The following POLR3B variants were observed in gnomAD, a reference collection of about 807,000 sequenced individuals.
POLR3B encodes the protein DNA-directed RNA polymerase III subunit RPC2.
Under a neutral mutation model 147.4 loss-of-function variants are expected in POLR3B, and 96 were observed. The observed-to-expected ratio is 0.65, with a 90% CI of 0.55 to 0.77. The LOEUF (loss-of-function observed/expected upper bound fraction) is 0.77, where lower values mean the gene tolerates loss of function less well. Among genes scored for constraint, POLR3B ranks in the 30% least tolerant of loss-of-function variants. POLR3B has a pLI of 0.00. For synonymous variants in POLR3B, 461 were observed against 485.9 expected (o/e 0.95, Z 0.67); for missense variants, 1,036 against 1,413.5 (o/e 0.73, Z 4.28).
chr12:106,415,433 A>G (rs1440287229), intron 12 of POLR3B, among the ~76,000 whole-genome samples: 1 of 152,200 alleles, frequency 6.6e-6, no homozygotes, highest in African/African-American at 2.4e-5. Context: ...CAGAGGGATG[A>G]TGGTATGGTT....
In POLR3B at chr12:106,509,409, T is replaced by C; in HGVS notation, c.3273-11T>C. The C allele has an allele frequency of 1.2e-6, 2 of 1,613,586 alleles. No homozygotes were observed. Among genetic ancestry groups the C allele is most frequent in the Non-Finnish European group, 1.7e-6 (2 of 1,179,582 alleles). ...TGCTGTCTGTCTAACGCTTGCTGACTTGCGTTTCAGGTGCCATTACTGCAA... is the reference window on the plus strand; with the variant it reads ...TGCTGTCTGTCTAACGCTTGCTGACCTGCGTTTCAGGTGCCATTACTGCAA... On this transcript the variant is annotated splice_polypyrimidine_tract_variant and intron_variant, in intron 27 of 27. Transcript: ENST00000228347.
At chr12:106,497,177 G>GT (rs1282904479) in intron 25 of POLR3B, among the ~76,000 whole-genome samples, 1 of 149,804 alleles carries the variant, frequency 6.7e-6, no homozygotes, top group Non-Finnish European at 1.5e-5. Context: ...TTGTGTTAGC[G>GT]TATTTTATGT....
chr12:106,381,949 C>T (rs1384445437), intron 9 of POLR3B: 1 of 152,164 alleles, frequency 6.6e-6, no homozygotes, highest in Non-Finnish European at 1.5e-5. Context: ...AGGGTAACTT[C>T]CTGACGTTGC....
chr12:106,469,807 G>T (rs2038063669), intron 23 of POLR3B, among the ~76,000 whole-genome samples: 1 of 152,212 alleles, frequency 6.6e-6, no homozygotes, highest in African/African-American at 2.4e-5. Context: ...TAGGGTTTCT[G>T]CAGAGAGATC....
intron 12 of POLR3B, among the ~76,000 whole-genome samples, chr12:106,422,453 A>G (rs1163256468): frequency 6.6e-6 from 1 of 152,192 alleles, no homozygotes; most frequent in Non-Finnish European, 1.5e-5. Context: ...TATAAAGTAT[A>G]TAGTCTCAGT....
At chr12:106,376,262 C>T (rs2036677055) in intron 6 of POLR3B, 97 bp from the exon 7 acceptor site, 3 of 796,534 alleles carry the variant, frequency 3.8e-6, no homozygotes, top group African/African-American at 3.4e-5. Flanking sequence ...TAGATAGACC[C>T]TTAGTGAGGT....
intron 11 of POLR3B, among the ~76,000 whole-genome samples, chr12:106,406,284 A>G (rs1445276374): frequency 6.6e-6 from 1 of 152,178 alleles, no homozygotes; most frequent in East Asian, 1.9e-4. Flanking sequence ...AAGGACAGAG[A>G]TGGTGTCTTA....
Position 106,398,029 on chromosome 12 carries a change from C to T in POLR3B, c.846+4876C>T, listed in dbSNP as rs146541313. 7.4e-3 allele frequency among the ~76,000 whole-genome samples: 1,120 copies of T among 152,328 alleles called. 9 individuals are homozygous for T. Among genetic ancestry groups the T allele is most frequent in the African/African-American group, 0.025 (1,027 of 41,566 alleles). On this transcript the variant is annotated intron_variant, in intron 10 of 27. Coordinates refer to ENST00000228347, the MANE Select transcript of POLR3B (RefSeq NM_018082.6). ...GCACCGTGCGTGAGCCAAAGCAGGG[C>T]GACGCATCACCTCACCCAGGAAGCA...
intron 18 of POLR3B, among the ~76,000 whole-genome samples, chr12:106,440,412 G>C (rs900729514): frequency 6.6e-6 from 1 of 152,136 alleles, no homozygotes; most frequent in Non-Finnish European, 1.5e-5. Context: ...AAATCCCTCA[G>C]GGGCTGTCGG....
At chr12:106,484,930 G>A (rs1483883855) in intron 23 of POLR3B, among the ~76,000 whole-genome samples, 1 of 152,040 alleles carries the variant, frequency 6.6e-6, no homozygotes, top group African/African-American at 2.4e-5. Flanking sequence ...ATGAGACTTG[G>A]GGAGTGACAG....
intron 23 of POLR3B, among the ~76,000 whole-genome samples, chr12:106,475,965 T>C (rs2038163418): frequency 2.7e-5 from 4 of 150,914 alleles, no homozygotes; most frequent in South Asian, 4.2e-4. Flanking sequence ...CTAGTCTCGA[T>C]GGTCTTTACA....
At chr12:106,425,015 T>C (rs2037418093) in intron 12 of POLR3B, among the ~76,000 whole-genome samples, 1 of 152,232 alleles carries the variant, frequency 6.6e-6, no homozygotes, top group Admixed American at 6.5e-5. Flanking sequence ...TTTCTTAGAT[T>C]CTTTTGGATT....
At chr12:106,465,379 T>C (rs1294667592) in intron 23 of POLR3B, among the ~76,000 whole-genome samples, 1 of 152,234 alleles carries the variant, frequency 6.6e-6, no homozygotes, top group Non-Finnish European at 1.5e-5. Flanking sequence ...CCCCAAATCC[T>C]TATGTCTTTA....
intron 4 of POLR3B, among the ~76,000 whole-genome samples, chr12:106,367,481 T>C (rs1361797090): frequency 6.6e-6 from 1 of 152,234 alleles, no homozygotes; most frequent in Admixed American, 6.5e-5. Context: ...GTGTTATGTT[T>C]AGTTGTCTTG....
chr12:106,507,727 C>G (rs1197755322), intron 27 of POLR3B: 1 of 455,750 alleles, frequency 2.2e-6, no homozygotes, highest in Non-Finnish European at 4.4e-6. Flanking sequence ...TTAGTCTTCT[C>G]CCATTCTCCT....
At chr12:106,497,669 G>T (rs1211316402) in intron 25 of POLR3B, among the ~76,000 whole-genome samples, 2 of 152,188 alleles carry the variant, frequency 1.3e-5, no homozygotes, top group East Asian at 3.9e-4. Flanking sequence ...GTTCACTAAA[G>T]ATGTGCTAAG....
chr12:106,501,250 G>C, intron 25 of POLR3B, 73 bp from the exon 26 acceptor site: 2 of 881,774 alleles, frequency 2.3e-6, no homozygotes, highest in Admixed American at 3.4e-5. Flanking sequence ...ACCTGCCAGT[G>C]ATGGGTCCAA....
chr12:106,388,568 A>G (rs571241997), intron 9 of POLR3B, among the ~76,000 whole-genome samples: 83 of 152,254 alleles, frequency 5.5e-4, no homozygotes, highest in African/African-American at 1.9e-3. Context: ...TGCCCACCTT[A>G]GCCTCCCAAA....
At chr12:106,408,035 A>G (rs975486057) in intron 11 of POLR3B, among the ~76,000 whole-genome samples, 4 of 152,204 alleles carry the variant, frequency 2.6e-5, no homozygotes, top group Admixed American at 1.3e-4. Context: ...GTCATTTTTT[A>G]TGTAAGTAAT....
Sources: gnomAD v4.1 joint callset for allele counts (sites outside exome capture counted in the v4.1 genomes callset) on GRCh38, gnomAD v4.1.1 for gene constraint, MANE v1.5 for transcripts, NCBI Gene and HGNC (gene_info 2026-07-23, HGNC 2026-07-21) for gene names.